The following PAPSS1 variants were observed in gnomAD, a reference collection of about 807,000 sequenced individuals.
PAPSS1 encodes 3'-phosphoadenosine 5'-phosphosulfate synthase 1.
A neutral mutation model predicts 72.0 loss-of-function variants in PAPSS1; 50 were observed. The observed-to-expected ratio is 0.69, with a 90% CI of 0.55 to 0.88. PAPSS1 has a LOEUF of 0.88. Among genes scored for constraint, PAPSS1 ranks in the 40% least tolerant of loss-of-function variants. The pLI is 0.00. For missense variants in PAPSS1, 657 were observed against 782.2 expected (o/e 0.84, Z 1.91); for synonymous variants, 261 against 263.6 (o/e 0.99, Z 0.09).
chr4:107,714,790 C>T (rs1228309369), intron 1 of PAPSS1, among the ~76,000 whole-genome samples: 1 of 152,118 alleles, frequency 6.6e-6, no homozygotes, highest in Non-Finnish European at 1.5e-5. Flanking sequence ...GAACCACTGG[C>T]ATAGAGAACT....
chr4:107,682,021 C>A lies in PAPSS1; in HGVS notation c.663G>T (p.Gln221His). The A allele has an allele frequency of 6.5e-7, 1 of 1,534,830 alleles. No individual in the cohort carries two copies. Among genetic ancestry groups the A allele is most frequent in the Non-Finnish European group, 9.0e-7 (1 of 1,111,684 alleles). Residue 221 changes from glutamine to histidine, a missense_variant, in exon 5 of 12, where the codon CAG becomes CAT. Gln to His is a conservative substitution (Grantham distance 24, BLOSUM62 0). Coordinates refer to ENST00000265174, the MANE Select transcript of PAPSS1 (RefSeq NM_005443.5). ...TTCTTTCATCCTCTCTTACCCGTTC[C>A]TGTAGAAGTTCCACAACTTGCTGGA... Reference protein sequence around the residue: ...DCVQQVVELLQERDIVPVDAS... With the variant: ...DCVQQVVELLHERDIVPVDAS...
chr4:107,649,099 C>T (rs1205547078), intron 9 of PAPSS1, among the ~76,000 whole-genome samples: 1 of 152,216 alleles, frequency 6.6e-6, no homozygotes, highest in African/African-American at 2.4e-5. Flanking sequence ...ATTTGCCATT[C>T]CCCTCCCCAT....
intron 1 of PAPSS1, among the ~76,000 whole-genome samples, chr4:107,710,059 T>C (rs1723447163): frequency 6.6e-6 from 1 of 152,190 alleles, no homozygotes; most frequent in African/African-American, 2.4e-5. Flanking sequence ...CTACTTCCCC[T>C]TTCCTTCCTT....
At chr4:107,686,598 T>C (rs1722793519) in intron 4 of PAPSS1, among the ~76,000 whole-genome samples, 1 of 152,210 alleles carries the variant, frequency 6.6e-6, no homozygotes, top group African/African-American at 2.4e-5. Flanking sequence ...ATGAAATGAA[T>C]AAGGGACCAT....
intron 10 of PAPSS1, among the ~76,000 whole-genome samples, chr4:107,638,010 T>C (rs553553061): frequency 8.0e-4 from 121 of 151,654 alleles, no homozygotes; most frequent in African/African-American, 2.8e-3. Flanking sequence ...TATTTTAAAC[T>C]CTTCAAGCTG....
At chr4:107,683,931 C>A (rs976070322) in intron 4 of PAPSS1, among the ~76,000 whole-genome samples, 1 of 151,106 alleles carries the variant, frequency 6.6e-6, no homozygotes, top group Middle Eastern at 3.4e-3. Context: ...AACTCCAGCA[C>A]CATGGCAAAC....
intron 1 of PAPSS1, among the ~76,000 whole-genome samples, chr4:107,702,981 G>A (rs1045361831): frequency 2.6e-5 from 4 of 152,032 alleles, no homozygotes; most frequent in Admixed American, 6.6e-5. Context: ...AGCACACTAG[G>A]ATTTTCTTTT....
At chr4:107,668,081 A>T (rs999440199) in intron 5 of PAPSS1, among the ~76,000 whole-genome samples, 1 of 152,234 alleles carries the variant, frequency 6.6e-6, no homozygotes, top group Non-Finnish European at 1.5e-5. Context: ...GAAAAGATTC[A>T]TATTTCAGAA....
chr4:107,657,805 A>G (rs74517235), intron 6 of PAPSS1, among the ~76,000 whole-genome samples: 1 of 152,194 alleles, frequency 6.6e-6, no homozygotes, highest in Non-Finnish European at 1.5e-5. Flanking sequence ...AAATGTATTG[A>G]AAAAATGGTT....
intron 9 of PAPSS1, among the ~76,000 whole-genome samples, chr4:107,648,251 G>GA (rs1257415733): frequency 1.3e-5 from 2 of 152,170 alleles, no homozygotes; most frequent in Admixed American, 1.3e-4. Flanking sequence ...GTGTGACAAG[G>GA]AAGGAAATGA....
intron 11 of PAPSS1, among the ~76,000 whole-genome samples, chr4:107,618,893 A>G (rs1189349084): frequency 6.6e-6 from 1 of 152,138 alleles, no homozygotes; most frequent in Non-Finnish European, 1.5e-5. Flanking sequence ...TGCTTGCTCT[A>G]ACCAGATGTA....
intron 10 of PAPSS1, among the ~76,000 whole-genome samples, chr4:107,642,869 A>T (rs757764839): frequency 7.9e-5 from 12 of 152,206 alleles, no homozygotes; most frequent in Non-Finnish European, 1.8e-4. Context: ...CACATCAAAA[A>T]ACTGACTGGT....
At chr4:107,634,964 A>T (rs2110304860) in intron 10 of PAPSS1, among the ~76,000 whole-genome samples, 1 of 151,572 alleles carries the variant, frequency 6.6e-6, no homozygotes, top group Admixed American at 6.6e-5. Flanking sequence ...CGCCCAGCTA[A>T]TTTTTTTGTA....
intron 4 of PAPSS1, among the ~76,000 whole-genome samples, chr4:107,685,483 A>G (rs1381243316): frequency 6.6e-6 from 1 of 152,252 alleles, no homozygotes; most frequent in African/African-American, 2.4e-5. Flanking sequence ...CCAAATTTCT[A>G]CACAAAGACT....
intron 3 of PAPSS1, 72 bp from the exon 4 acceptor site, chr4:107,687,249 A>G: frequency 4.4e-6 from 5 of 1,126,494 alleles, no homozygotes; most frequent in East Asian, 3.0e-5. Context: ...AAGATGAGTA[A>G]AAAGTGCTTC....
chr4:107,714,755 AG>A (rs1723591388), intron 1 of PAPSS1, among the ~76,000 whole-genome samples: 1 of 152,160 alleles, frequency 6.6e-6, no homozygotes, highest in Non-Finnish European at 1.5e-5. Flanking sequence ...AATGCCCCCT[AG>A]GGCTGGTAAA....
chr4:107,718,175 A>G (rs1723684627), intron 1 of PAPSS1, among the ~76,000 whole-genome samples: 2 of 152,210 alleles, frequency 1.3e-5, no homozygotes, highest in African/African-American at 4.8e-5. Context: ...GATGATTTAA[A>G]TATGAGAGAG....
chr4:107,716,489 C>G (rs1396836629), intron 1 of PAPSS1, among the ~76,000 whole-genome samples: 5 of 152,178 alleles, frequency 3.3e-5, no homozygotes. Context: ...CGTCCAGTTT[C>G]AAACGCTTCT....
chr4:107,645,230 T>C (rs1021699292), intron 9 of PAPSS1, among the ~76,000 whole-genome samples, 160 bp from the exon 10 acceptor site: 4 of 151,740 alleles, frequency 2.6e-5, no homozygotes, highest in African/African-American at 9.7e-5. Flanking sequence ...AAAGTACTGC[T>C]TTGACCATTT....
Sources: allele counts gnomAD v4.1 joint callset (sites outside exome capture counted in the v4.1 genomes callset), GRCh38; gene constraint gnomAD v4.1.1; transcripts MANE v1.5; gene names NCBI Gene and HGNC (gene_info 2026-07-23, HGNC 2026-07-21).